The following RBPJ variants were observed in gnomAD, a reference collection of about 807,000 sequenced individuals.
RBPJ encodes recombining binding protein suppressor of hairless.
In RBPJ, 9 loss-of-function variants were observed where a neutral mutation model predicts 67.8. The ratio of observed to expected loss-of-function variants is 0.13; its 90% confidence interval spans 0.08 to 0.23. RBPJ has a LOEUF of 0.23. Ranked by LOEUF, RBPJ falls within the 10% of genes least tolerant of loss-of-function variation. The pLI is 1.00. For synonymous variants in RBPJ, 198 were observed against 203.3 expected (o/e 0.97, Z 0.22); for missense variants, 305 against 595.6 (o/e 0.51, Z 5.08).
chr4:26,119,028 T>C, the RBPJ span, among the ~76,000 whole-genome samples: 1 of 152,204 alleles, frequency 6.6e-6, no homozygotes, highest in Non-Finnish European at 1.5e-5. Context: ...TCACAAAACA[T>C]GTGATCTTTA....
upstream of RBPJ, among the ~76,000 whole-genome samples, chr4:26,317,811 TG>T (rs1722705784): frequency 6.6e-6 from 1 of 152,014 alleles, no homozygotes; most frequent in Non-Finnish European, 1.5e-5. Flanking sequence ...TTTCCTGAGA[TG>T]GGGGAGGGCT....
chr4:26,120,897 C>T, the RBPJ span, among the ~76,000 whole-genome samples: 1 of 132,292 alleles, frequency 7.6e-6, no homozygotes, highest in Non-Finnish European at 1.7e-5. Context: ...TGTGATTAAA[C>T]CAAGATAAAT....
rs1734633131 is a variant in RBPJ, at chr4:26,416,752, GAGT to G, written c.321+1116_321+1118del. 3.3e-5 allele frequency among the ~76,000 whole-genome samples: 5 copies of G among 152,286 alleles called. No individual in the cohort carries two copies. In the South Asian group the frequency reaches 1.0e-3, roughly 32 times the overall value. ...AGTTGGCACTAGGTATATGGGTTGG[GAGT>G]AGTGTTGGTGGAGGTGAGCTAGGGG... On this transcript the variant is annotated intron_variant, in intron 4 of 10. Coordinates refer to ENST00000355476, the MANE Select transcript of RBPJ (RefSeq NM_015874.6).
At chr4:26,288,574 G>A (rs759797028) in intron 1 of RBPJ, among the ~76,000 whole-genome samples, 34 of 152,176 alleles carry the variant, frequency 2.2e-4, no homozygotes, top group Non-Finnish European at 3.4e-4. Flanking sequence ...CCACACCCTA[G>A]GAGAGAAGAA....
chr4:26,319,862 A>G, upstream of RBPJ: 1 of 1,584,638 alleles, frequency 6.3e-7, no homozygotes, highest in African/African-American at 1.3e-5. Context: ...GGAAAGAGCA[A>G]AGGAGGGGAA....
chr4:26,356,014 A>G (rs1329377933), intron 1 of RBPJ, among the ~76,000 whole-genome samples: 1 of 152,228 alleles, frequency 6.6e-6, no homozygotes, highest in Non-Finnish European at 1.5e-5. Context: ...ATACCTGAGT[A>G]CTGACTGTCC....
At chr4:26,110,971 AG>A in the RBPJ span, among the ~76,000 whole-genome samples, 37 of 152,304 alleles carry the variant, frequency 2.4e-4, no homozygotes, top group African/African-American at 8.7e-4. This position sits in a 1 kb window ranked among gnomAD's most constrained non-coding sequence, Gnocchi z 4.5. Context: ...ATTCCTTTCT[AG>A]TTAGGCTGAC....
chr4:26,236,950 A>G (rs776678775), intron 1 of RBPJ, among the ~76,000 whole-genome samples: 1 of 152,214 alleles, frequency 6.6e-6, no homozygotes, highest in Non-Finnish European at 1.5e-5. Context: ...GGATTTTAAC[A>G]ACAGACTCCC....
the RBPJ span, among the ~76,000 whole-genome samples, chr4:26,123,831 T>G: frequency 0.41 from 62,457 of 151,956 alleles, 13,426 homozygotes; most frequent in Non-Finnish European, 0.46. Flanking sequence ...CTTGTTCCAC[T>G]GGAAGGTCTT....
chr4:26,250,383 G>C (rs961597656), intron 1 of RBPJ, among the ~76,000 whole-genome samples: 8 of 133,858 alleles, frequency 6.0e-5, no homozygotes, highest in African/African-American at 2.3e-4. Flanking sequence ...CCAGGCTGTA[G>C]TACAGTAGCG....
intron 1 of RBPJ, among the ~76,000 whole-genome samples, chr4:26,236,158 G>A (rs763039626): frequency 4.3e-4 from 66 of 152,188 alleles, no homozygotes; most frequent in Non-Finnish European, 7.6e-4. Context: ...TGGGGATTGA[G>A]GAAAGAGGTC....
At chr4:26,218,372 C>A (rs942128180) in intron 1 of RBPJ, among the ~76,000 whole-genome samples, 1 of 152,158 alleles carries the variant, frequency 6.6e-6, no homozygotes, top group South Asian at 2.1e-4. Flanking sequence ...TGAGGAAACT[C>A]CCCAGGAGAC....
intron 1 of RBPJ, among the ~76,000 whole-genome samples, chr4:26,369,966 T>G (rs1157868306): frequency 6.6e-6 from 1 of 152,184 alleles, no homozygotes; most frequent in East Asian, 1.9e-4. Context: ...GAATAGTATG[T>G]GAACATTGCT....
intron 1 of RBPJ, among the ~76,000 whole-genome samples, chr4:26,379,916 T>G (rs1730141964): frequency 6.6e-6 from 1 of 152,118 alleles, no homozygotes; most frequent in Admixed American, 6.5e-5. Flanking sequence ...AAAAACATGT[T>G]TAATAGATGA....
upstream of RBPJ, among the ~76,000 whole-genome samples, chr4:26,163,052 C>T (rs1158604298): frequency 6.6e-6 from 1 of 152,080 alleles, no homozygotes; most frequent in South Asian, 2.1e-4. Flanking sequence ...ACTTTCAGAG[C>T]TAGGAGATTG....
intron 1 of RBPJ, among the ~76,000 whole-genome samples, chr4:26,239,744 GGGAGA>G (rs200509512): frequency 4.0e-5 from 6 of 150,010 alleles, no homozygotes; most frequent in Middle Eastern, 3.4e-3. Context: ...GGGAGGGGAG[GGGAGA>G]GGAGAGGAGA....
chr4:26,204,092 G>C (rs568314820), intron 1 of RBPJ, among the ~76,000 whole-genome samples: 1 of 152,006 alleles, frequency 6.6e-6, no homozygotes, highest in East Asian at 1.9e-4. Flanking sequence ...CCACAGGTGC[G>C]TGCCACCATG....
intron 3 of RBPJ, among the ~76,000 whole-genome samples, 180 bp from the exon 4 acceptor site, chr4:26,415,295 C>T (rs181330288): frequency 1.9e-4 from 29 of 152,242 alleles, no homozygotes; most frequent in Non-Finnish European, 2.4e-4. Flanking sequence ...GTGGAAGTCC[C>T]GATTTCTGTC....
chr4:26,287,864 AG>A (rs1458061294), intron 1 of RBPJ, among the ~76,000 whole-genome samples: 1 of 151,874 alleles, frequency 6.6e-6, no homozygotes, highest in Non-Finnish European at 1.5e-5. Context: ...AGACCAGGGA[AG>A]GGTCTAGGCC....
Sources: gnomAD v4.1 joint callset for allele counts (sites outside exome capture counted in the v4.1 genomes callset) on GRCh38, gnomAD v4.1.1 for gene constraint, Gnocchi (gnomAD v3.1) non-coding constraint, MANE v1.5 for transcripts, NCBI Gene and HGNC (gene_info 2026-07-23, HGNC 2026-07-21) for gene names.